The following NPEPPS variants were observed in gnomAD, a reference collection of about 807,000 sequenced individuals.
The protein encoded by NPEPPS is aminopeptidase puromycin sensitive.
NPEPPS carries 14 observed loss-of-function variants against 115.5 expected under a neutral mutation model. The observed-to-expected ratio is 0.12, with a 90% CI of 0.08 to 0.19. NPEPPS has a LOEUF of 0.19. NPEPPS is among the 10% of genes least tolerant of loss of function. The pLI is 1.00. For missense variants in NPEPPS, 523 were observed against 1,110.8 expected, an observed-to-expected ratio of 0.47 and a Z score of 7.52; for synonymous variants, 285 against 390.6, an observed-to-expected ratio of 0.73 and a Z score of 3.19.
At chr17:47,614,677 C>T (rs1914078883) in intron 19 of NPEPPS, among the ~76,000 whole-genome samples, 1 of 152,210 alleles carries the variant, frequency 6.6e-6, no homozygotes, top group Non-Finnish European at 1.5e-5. Context: ...AGTCCCTATT[C>T]ATACAGTTCC....
At chr17:47,557,814 C>G (rs1217794761) in intron 2 of NPEPPS, among the ~76,000 whole-genome samples, 2 of 149,118 alleles carry the variant, frequency 1.3e-5, no homozygotes, top group African/African-American at 4.9e-5. Context: ...GATAAGTTTT[C>G]TCATGAATGT....
chr17:47,594,591 T>TTTATTTTATGTTATGTTATGTTATG (rs1173846090), intron 12 of NPEPPS, among the ~76,000 whole-genome samples: 1 of 138,200 alleles, frequency 7.2e-6, no homozygotes. Flanking sequence ...TGTATTTTAT[T>TTTATTTTATGTTATGTTATGTTATG]TTATGTTATG....
intron 3 of NPEPPS, among the ~76,000 whole-genome samples, chr17:47,577,860 A>G (rs573588172): frequency 6.6e-6 from 1 of 152,302 alleles, no homozygotes; most frequent in Admixed American, 6.5e-5. Context: ...GTCCTTTCCA[A>G]AAGCAAATTC....
chr17:47,544,034 A>G (rs1908994924), intron 1 of NPEPPS, among the ~76,000 whole-genome samples: 2 of 152,176 alleles, frequency 1.3e-5, no homozygotes, highest in African/African-American at 4.8e-5. Flanking sequence ...AGCTGGGACT[A>G]CAGGCACCTG....
intron 3 of NPEPPS, among the ~76,000 whole-genome samples, chr17:47,570,947 A>G (rs937293598): frequency 4.6e-5 from 7 of 152,220 alleles, no homozygotes; most frequent in African/African-American, 1.7e-4. Context: ...TAATAGGAAT[A>G]TATCCCAAGG....
chr17:47,570,560 A>C (rs1376741950), intron 3 of NPEPPS, among the ~76,000 whole-genome samples: 1 of 152,254 alleles, frequency 6.6e-6, no homozygotes, highest in Non-Finnish European at 1.5e-5. Flanking sequence ...CACAGAAAGA[A>C]AGATAGGTTG....
chr17:47,547,357 T>G (rs1388049815), intron 2 of NPEPPS, among the ~76,000 whole-genome samples: 3 of 152,108 alleles, frequency 2.0e-5, no homozygotes, highest in Admixed American at 2.0e-4. Context: ...TTTTACTTTT[T>G]TTTTTTTTTG....
intron 2 of NPEPPS, chr17:47,548,234 T>G (rs1212877612): frequency 2.6e-5 from 4 of 152,356 alleles, no homozygotes; most frequent in Middle Eastern, 3.4e-3. Context: ...CAAGAAGTAC[T>G]TAAGTTCAAT....
At chr17:47,557,801 T>G (rs1910150751) in intron 2 of NPEPPS, among the ~76,000 whole-genome samples, 1 of 149,352 alleles carries the variant, frequency 6.7e-6, no homozygotes. Flanking sequence ...AAATATGTAA[T>G]TTGATAAGTT....
At chr17:47,540,365 A>G (rs1215315013) in intron 1 of NPEPPS, among the ~76,000 whole-genome samples, 1 of 152,136 alleles carries the variant, frequency 6.6e-6, no homozygotes, top group Non-Finnish European at 1.5e-5. Flanking sequence ...GAAGATTTTA[A>G]TGCTGAAATT....
intron 15 of NPEPPS, chr17:47,603,606 A>G (rs1913353624): frequency 1.9e-5 from 4 of 211,620 alleles, no homozygotes; most frequent in Non-Finnish European, 3.8e-5. Context: ...GTGTTTTCAT[A>G]TATATTAAGT....
At chr17:47,542,948 C>A (rs1908876597) in intron 1 of NPEPPS, among the ~76,000 whole-genome samples, 1 of 151,810 alleles carries the variant, frequency 6.6e-6, no homozygotes, top group African/African-American at 2.4e-5. Flanking sequence ...ACCAGCCTGA[C>A]CAACAAGGTG....
intron 9 of NPEPPS, among the ~76,000 whole-genome samples, chr17:47,588,939 CAG>C (rs1386086355): frequency 3.3e-5 from 5 of 152,022 alleles, no homozygotes; most frequent in Non-Finnish European, 7.4e-5. Context: ...TTTTTTAAGA[CAG>C]AGTCTCACTC....
At chr17:47,556,222 G>T (rs1281165045) in intron 2 of NPEPPS, among the ~76,000 whole-genome samples, 1 of 151,086 alleles carries the variant, frequency 6.6e-6, no homozygotes, top group African/African-American at 2.4e-5. Flanking sequence ...AGGACCCTGC[G>T]GCCTTTTTTT....
chr17:47,535,323 G>C (rs1310653463), intron 1 of NPEPPS, among the ~76,000 whole-genome samples: 1 of 149,360 alleles, frequency 6.7e-6, no homozygotes, highest in Non-Finnish European at 1.5e-5. Flanking sequence ...AGGCAGAGGC[G>C]GGCAGATCAT....
In NPEPPS at chr17:47,613,658, G is replaced by C; in HGVS notation, c.2239-11G>C. On this transcript the variant is annotated splice_polypyrimidine_tract_variant and intron_variant, in intron 18 of 22. Coordinates refer to ENST00000322157, the MANE Select transcript of NPEPPS (RefSeq NM_006310.4). Reference sequence around the variant, plus strand: ...CATTTAATCAAATGACTTATTTTTTGTCCCTTGTAGGTCTATCTGACTGTT... The same window carrying C: ...CATTTAATCAAATGACTTATTTTTTCTCCCTTGTAGGTCTATCTGACTGTT... 1 of 1,599,614 alleles carries C rather than the reference G, an allele frequency of 6.3e-7. No individual in the cohort carries two copies. The highest frequency in any genetic ancestry group is 8.5e-7 in the Non-Finnish European group (1 of 1,170,006).
chr17:47,553,325 A>G (rs1909777911), intron 2 of NPEPPS, among the ~76,000 whole-genome samples: 1 of 151,458 alleles, frequency 6.6e-6, no homozygotes, highest in Non-Finnish European at 1.5e-5. Flanking sequence ...GTGAGCCAAG[A>G]TCACGCCATT....
chr17:47,582,600 CT>C (rs1450217031), intron 4 of NPEPPS, 141 bp from the exon 5 acceptor site: 2 of 699,236 alleles, frequency 2.9e-6, no homozygotes, highest in African/African-American at 3.5e-5. Context: ...TAGTTAATGC[CT>C]GGCTTGTTGC....
intron 2 of NPEPPS, among the ~76,000 whole-genome samples, chr17:47,552,278 A>T (rs530786511): frequency 6.6e-6 from 1 of 152,090 alleles, no homozygotes; most frequent in Non-Finnish European, 1.5e-5. Context: ...TTGGATTTCT[A>T]TGCTTATCTG....
Sources: allele counts gnomAD v4.1 joint callset (sites outside exome capture counted in the v4.1 genomes callset), GRCh38; gene constraint gnomAD v4.1.1; transcripts MANE v1.5; gene names NCBI Gene and HGNC (gene_info 2026-07-23, HGNC 2026-07-21).